Variants in NCAM2 observed in about 807,000 individuals in gnomAD.
NCAM2 encodes N-CAM-2.
Under a neutral mutation model 98.1 loss-of-function variants are expected in NCAM2, and 30 were observed. The ratio of observed to expected loss-of-function variants is 0.31; its 90% confidence interval spans 0.23 to 0.41. NCAM2 has a LOEUF of 0.41. Among genes scored for constraint, NCAM2 ranks in the 10% least tolerant of loss-of-function variants. NCAM2 has a pLI of 1.00. For synonymous variants in NCAM2, 368 were observed against 342.4 expected (o/e 1.07, Z -0.83); for missense variants, 867 against 1,005.8 (o/e 0.86, Z 1.87).
intron 1 of NCAM2, among the ~76,000 whole-genome samples, chr21:21,010,819 A>G (rs868410879): frequency 2.0e-5 from 3 of 152,048 alleles, no homozygotes; most frequent in Admixed American, 6.6e-5. Context: ...ACTAATTAGA[A>G]CTCCGAAACA....
intron 1 of NCAM2, among the ~76,000 whole-genome samples, chr21:21,041,622 C>T (rs1370427360): frequency 6.6e-6 from 1 of 152,134 alleles, no homozygotes; most frequent in Non-Finnish European, 1.5e-5. Flanking sequence ...GTAGCTAGAA[C>T]ATCGTGGTGG....
intron 1 of NCAM2, among the ~76,000 whole-genome samples, chr21:21,027,233 A>T (rs1475141971): frequency 6.6e-6 from 1 of 152,196 alleles, no homozygotes; most frequent in East Asian, 1.9e-4. Flanking sequence ...GACCCAGGCT[A>T]TCTGGGGTAT....
chr21:21,102,401 A>G (rs145384936), intron 1 of NCAM2, among the ~76,000 whole-genome samples: 1 of 152,134 alleles, frequency 6.6e-6, no homozygotes, highest in East Asian at 1.9e-4. Context: ...TCCTCACAAT[A>G]CAGGATTTCT....
At chr21:21,064,050 G>A (rs1163228498) in intron 1 of NCAM2, among the ~76,000 whole-genome samples, 2 of 152,160 alleles carry the variant, frequency 1.3e-5, no homozygotes, top group African/African-American at 4.8e-5. Context: ...AAAGAATTAG[G>A]GGGATACAGA....
chr21:21,028,964 A>C (rs1411764788), intron 1 of NCAM2, among the ~76,000 whole-genome samples: 10 of 152,208 alleles, frequency 6.6e-5, no homozygotes, highest in Non-Finnish European at 1.5e-4. Context: ...TTAGTGTTAA[A>C]ATTCAGCATG....
At chr21:21,066,009 C>T (rs1280596628) in intron 1 of NCAM2, among the ~76,000 whole-genome samples, 2 of 152,112 alleles carry the variant, frequency 1.3e-5, no homozygotes, top group Non-Finnish European at 2.9e-5. Flanking sequence ...GACCTGTCTC[C>T]AGATTTACTG....
In NCAM2 at chr21:21,081,911, G is replaced by A. The variant is rs181725625; in HGVS notation, c.55+83293G>A. On this transcript the variant is annotated intron_variant, in intron 1 of 17. Transcript: ENST00000400546. ...TGCAATAAGTATAGAAGTGCTCTAC[G>A]CATTCAATAATTGCTCAGTAATTTC... Among the ~76,000 whole-genome samples the A allele has an allele frequency of 2.4e-4, 37 of 151,962 alleles. No homozygotes were observed. The East Asian group carries it at 7.2e-3, about 30-fold the overall frequency.
At chr21:21,316,734 G>A (rs1441486297) in intron 5 of NCAM2, among the ~76,000 whole-genome samples, 1 of 151,820 alleles carries the variant, frequency 6.6e-6, no homozygotes, top group African/African-American at 2.4e-5. Context: ...AGTAGAGACA[G>A]GGTTTCACCT....
At chr21:21,080,111 C>T (rs568579912) in intron 1 of NCAM2, among the ~76,000 whole-genome samples, 8 of 151,902 alleles carry the variant, frequency 5.3e-5, no homozygotes, top group South Asian at 2.1e-4. Context: ...AACAAAAGGG[C>T]AAAGGAAACT....
chr21:21,314,709 C>A (rs2074164190), intron 5 of NCAM2, among the ~76,000 whole-genome samples: 1 of 151,914 alleles, frequency 6.6e-6, no homozygotes, highest in South Asian at 2.1e-4. Context: ...ATTTGTAATT[C>A]TTTATGTTTG....
chr21:21,196,745 T>G lies in NCAM2; in HGVS notation c.56-83833T>G, dbSNP rs1164723083. ...ACAATAAAATGTTGTGATTTTATTT[T>G]GAGGTGAACTAGTTTGGATCTGTGT... On this transcript the variant is annotated intron_variant, in intron 1 of 17. Transcript: ENST00000400546. 3.3e-5 allele frequency among the ~76,000 whole-genome samples: 5 copies of G among 152,342 alleles called. No homozygotes were observed. In the East Asian group the frequency reaches 9.7e-4, roughly 29 times the overall value.
intron 1 of NCAM2, among the ~76,000 whole-genome samples, chr21:21,274,134 CA>C (rs1360062470): frequency 1.3e-5 from 2 of 150,862 alleles, no homozygotes; most frequent in Non-Finnish European, 2.9e-5. Flanking sequence ...CATTGCACTC[CA>C]GCCTGGGCGA....
intron 8 of NCAM2, among the ~76,000 whole-genome samples, chr21:21,350,190 CCTA>C (rs763220661): frequency 6.6e-6 from 1 of 151,754 alleles, no homozygotes; most frequent in Non-Finnish European, 1.5e-5. Flanking sequence ...AATACATACA[CCTA>C]CTATGTACCC....
chr21:21,307,528 A>T (rs1419585208), intron 5 of NCAM2, among the ~76,000 whole-genome samples: 1 of 152,136 alleles, frequency 6.6e-6, no homozygotes, highest in African/African-American at 2.4e-5. Context: ...AGTATATTAT[A>T]AGATCACGAT....
chr21:21,319,704 T>C (rs925778799), intron 5 of NCAM2, among the ~76,000 whole-genome samples: 4 of 2,872 alleles, frequency 1.4e-3, no homozygotes, highest in Non-Finnish European at 0.014. Context: ...TAGTTGCCTC[T>C]TATTTTTTTT....
chr21:21,481,870 C>A (rs1323967243), intron 15 of NCAM2, among the ~76,000 whole-genome samples: 1 of 152,120 alleles, frequency 6.6e-6, no homozygotes, highest in East Asian at 1.9e-4. Flanking sequence ...TTGGGAAGCC[C>A]AGGCCGGTGA....
intron 1 of NCAM2, among the ~76,000 whole-genome samples, chr21:21,225,015 A>G (rs8133769): frequency 0.48 from 72,574 of 151,896 alleles, 18,220 homozygotes; most frequent in South Asian, 0.59. Flanking sequence ...ATCAACCCAA[A>G]TGCCCATCAA....
intron 1 of NCAM2, among the ~76,000 whole-genome samples, chr21:21,143,955 G>A (rs191421823): frequency 2.4e-3 from 363 of 151,998 alleles, no homozygotes; most frequent in Non-Finnish European, 3.6e-3. Flanking sequence ...AACTCAATGT[G>A]TTATTTGTTT....
intron 15 of NCAM2, among the ~76,000 whole-genome samples, chr21:21,487,028 T>C (rs1212661874): frequency 6.6e-6 from 1 of 152,142 alleles, no homozygotes; most frequent in African/African-American, 2.4e-5. Context: ...AAAAATATTC[T>C]CAGAGATGGT....
Sources: gnomAD v4.1 joint callset for allele counts (sites outside exome capture counted in the v4.1 genomes callset) on GRCh38, gnomAD v4.1.1 for gene constraint, MANE v1.5 for transcripts, NCBI Gene and HGNC (gene_info 2026-07-23, HGNC 2026-07-21) for gene names.